The following LHFPL4 variants were observed in gnomAD, a reference collection of about 807,000 sequenced individuals.
LHFPL4 encodes LHFPL tetraspan subfamily member 4 protein.
LHFPL4 carries 6 observed loss-of-function variants against 20.0 expected under a neutral mutation model. The ratio of observed to expected loss-of-function variants is 0.30; its 90% CI spans 0.16 to 0.59. The LOEUF (loss-of-function observed/expected upper bound fraction) is 0.59, where lower values mean the gene tolerates loss of function less well. Among genes scored for constraint, LHFPL4 ranks in the 20% least tolerant of loss-of-function variants. The pLI is 0.88. For missense variants in LHFPL4, 215 were observed against 331.2 expected (o/e 0.65, Z 2.72); for synonymous variants, 129 against 143.8 (o/e 0.90, Z 0.74).
rs2046154427 is a variant in LHFPL4 at position 9,499,360 on chromosome 3, GTC to G, written c.*2849_*2850del. On this transcript the variant is annotated 3_prime_UTR_variant, in exon 4 of 4. Transcript: ENST00000287585. ...CACCTCTGCAGAACCCAGGGCCCCA[GTC>G]TATGGTTTGGTCCCCACTCTGACTT... 1 of 152,564 alleles carries G rather than the reference GTC, an allele frequency of 6.6e-6. No homozygotes were observed. The highest frequency in any genetic ancestry group is 2.1e-4 in the South Asian group (1 of 4,840). The allele number at this position is 152,564 out of a possible 1,614,324, so 9.5% of individuals were successfully genotyped here.
intron 2 of LHFPL4, among the ~76,000 whole-genome samples, chr3:9,524,087 T>G (rs2046358768): frequency 6.6e-6 from 1 of 151,134 alleles, no homozygotes; most frequent in Non-Finnish European, 1.5e-5. Context: ...AGGTAAGATG[T>G]TTGTTTTTTG....
At chr3:9,540,173 A>T (rs978334589) in intron 2 of LHFPL4, among the ~76,000 whole-genome samples, 9 of 152,202 alleles carry the variant, frequency 5.9e-5, no homozygotes, top group African/African-American at 2.2e-4. Context: ...ATTATAGCAA[A>T]ATATTGTAAA....
At chr3:9,515,597 C>G (rs560818752) in intron 2 of LHFPL4, among the ~76,000 whole-genome samples, 2 of 152,146 alleles carry the variant, frequency 1.3e-5, no homozygotes, top group East Asian at 1.9e-4. Context: ...TGGTCTCGAA[C>G]TTGACCACAG....
In LHFPL4 at chr3:9,499,970, C is replaced by T. The variant is rs2046158968; in HGVS notation, c.*2241G>A. 6.6e-6 allele frequency: 1 copy of T among 152,236 alleles called. No individual in the cohort carries two copies. Among genetic ancestry groups the T allele is most frequent in the South Asian group, 2.1e-4 (1 of 4,810 alleles). 9.4% of individuals were successfully genotyped at this position (152,236 alleles called of 1,614,324 possible). ...TTCCGCCTTTTCATCCATTTCCCCT[C>T]CCCCACCCCAAGCTCTCGGGCAGCC... On this transcript the variant is annotated 3_prime_UTR_variant, in exon 4 of 4. Transcript: ENST00000287585.
rs1553647479 is a variant in LHFPL4, at chr3:9,523,072, A to AAGAAAG, written c.407-16870_407-16869insCTTTCT. On this transcript the variant is annotated intron_variant, in intron 2 of 3. Coordinates refer to ENST00000287585, the MANE Select transcript of LHFPL4 (RefSeq NM_198560.3). ...AAAAAAAAAAAAGAAAGAAAGAAAG[A>AAGAAAG]AAAGGAAGAAAGAAAGAAAGAGAGA... Among the ~76,000 whole-genome samples the AAGAAAG allele has an allele frequency of 4.0e-3, 319 of 80,400 alleles. 3 individuals carry two copies. The highest frequency in any genetic ancestry group is 9.4e-3 in the East Asian group (26 of 2,764). 52.7% of individuals were successfully genotyped at this position (80,400 alleles called of 152,430 possible). A position where few individuals can be genotyped will look rare whatever the true frequency, so the allele number is the denominator to read the frequency against.
chr3:9,524,730 TGCCTGCCATAATTGA>T (rs1430747004), intron 2 of LHFPL4, among the ~76,000 whole-genome samples: 2 of 152,256 alleles, frequency 1.3e-5, no homozygotes, highest in Admixed American at 1.3e-4. Flanking sequence ...AATTCCAACA[TGCCTGCCATAATTGA>T]GCCGGGTTCA....
chr3:9,501,911 G>A lies in LHFPL4; in HGVS notation c.*300C>T, dbSNP rs1262740424. The A allele has an allele frequency of 2.5e-5, 9 of 360,390 alleles. No homozygotes were observed. The East Asian group carries it at 4.6e-4, about 18-fold the overall frequency. The allele number at this position is 360,390 out of a possible 1,614,324, so 22.3% of individuals were successfully genotyped here. A position where few individuals can be genotyped will look rare whatever the true frequency, so the allele number is the denominator to read the frequency against. On this transcript the variant is annotated 3_prime_UTR_variant, in exon 4 of 4. Transcript: ENST00000287585. Reference sequence around the variant, plus strand: ...CTCCGCTCTCCCTGGGGATCTGCAGGGACCTCCAGGCCAGTCTAGAGAGGA... The same window carrying A: ...CTCCGCTCTCCCTGGGGATCTGCAGAGACCTCCAGGCCAGTCTAGAGAGGA...
intron 2 of LHFPL4, among the ~76,000 whole-genome samples, chr3:9,509,453 G>A (rs1301257061): frequency 6.6e-6 from 1 of 152,006 alleles, no homozygotes; most frequent in Non-Finnish European, 1.5e-5. Context: ...CACAAATACA[G>A]TCCTGCATGC....
At chr3:9,505,347 C>A (rs1056004433) in intron 3 of LHFPL4, among the ~76,000 whole-genome samples, 3 of 152,058 alleles carry the variant, frequency 2.0e-5, no homozygotes, top group African/African-American at 4.8e-5. Context: ...CAGCTCACTG[C>A]AGCCTCAACC....
intron 2 of LHFPL4, among the ~76,000 whole-genome samples, chr3:9,538,119 G>C (rs551978557): frequency 6.6e-6 from 1 of 152,126 alleles, no homozygotes; most frequent in African/African-American, 2.4e-5. Flanking sequence ...CTTCTAAATA[G>C]GTCTCCAATC....
intron 2 of LHFPL4, among the ~76,000 whole-genome samples, chr3:9,545,899 A>C (rs552498339): frequency 3.9e-5 from 6 of 152,178 alleles, no homozygotes; most frequent in African/African-American, 1.2e-4. Flanking sequence ...ACAGAGCCAG[A>C]CTCAGTTTCA....
intron 2 of LHFPL4, among the ~76,000 whole-genome samples, chr3:9,549,800 G>C (rs922271790): frequency 1.3e-5 from 2 of 152,206 alleles, no homozygotes; most frequent in Non-Finnish European, 2.9e-5. Flanking sequence ...TTCCTCTGAG[G>C]ATGACTGATT....
intron 2 of LHFPL4, among the ~76,000 whole-genome samples, chr3:9,507,980 G>C (rs2046230322): frequency 6.6e-6 from 1 of 152,210 alleles, no homozygotes; most frequent in Non-Finnish European, 1.5e-5. Context: ...GTTCCAGAGG[G>C]CTCTGTTTGG....
intron 2 of LHFPL4, among the ~76,000 whole-genome samples, chr3:9,525,016 G>T (rs1052232478): frequency 4.6e-5 from 7 of 152,040 alleles, no homozygotes; most frequent in Admixed American, 3.3e-4. Context: ...GCCCTCCTTA[G>T]GTGGGACAGC....
At position 9,506,038 on chromosome 3, in the gene LHFPL4, G is replaced by A; in HGVS notation, c.572C>T (p.Ser191Phe). The A allele has an allele frequency of 1.2e-6, 2 of 1,614,228 alleles. No homozygotes were observed. Among genetic ancestry groups the A allele is most frequent in the Non-Finnish European group, 1.7e-6 (2 of 1,180,038 alleles). The part of the protein sequence containing the change: ...IIGILNALIL[S>F]FLAFVLGNRQ... Reference sequence around the variant, plus strand: ...GTTGCCCAGCACGAAGGCGAGGAAGGAGAGGATGAGGGCGTTGAGGATGCC... The same window carrying A: ...GTTGCCCAGCACGAAGGCGAGGAAGAAGAGGATGAGGGCGTTGAGGATGCC... Residue 191 changes from serine to phenylalanine, a missense_variant, in exon 3 of 4, where the codon TCC (serine) becomes TTC (phenylalanine). Coordinates refer to ENST00000287585, the MANE Select transcript of LHFPL4 (RefSeq NM_198560.3). This position sits in a 1 kb window ranked among gnomAD's most constrained non-coding sequence, Gnocchi z 4.5.
intron 2 of LHFPL4, among the ~76,000 whole-genome samples, chr3:9,512,785 A>G (rs1252253734): frequency 6.6e-6 from 1 of 152,198 alleles, no homozygotes; most frequent in African/African-American, 2.4e-5. Context: ...CTCTCCATTC[A>G]GCTGCCTGGA....
chr3:9,504,880 G>C (rs1201955602), intron 3 of LHFPL4, among the ~76,000 whole-genome samples: 13 of 150,438 alleles, frequency 8.6e-5, no homozygotes, highest in Admixed American at 6.6e-5. Flanking sequence ...ACATTGCTTA[G>C]TTTTGCTTAC....
chr3:9,552,785 G>T lies in LHFPL4; in HGVS notation c.-106C>A. 1 of 631,632 alleles carries T rather than the reference G, an allele frequency of 1.6e-6. No individual in the cohort carries two copies. The highest frequency in any genetic ancestry group is 2.0e-6 in the Non-Finnish European group (1 of 492,616). 39.1% of individuals were successfully genotyped at this position (631,632 alleles called of 1,614,324 possible). ...GAGCTGGGGACGCACGCGAGAAGCG[G>T]CCCTGAGTCAAGGAACCCGCGAGGG... On this transcript the variant is annotated 5_prime_UTR_variant, in exon 2 of 4. Transcript: ENST00000287585.
At chr3:9,541,491 G>C (rs919347609) in intron 2 of LHFPL4, among the ~76,000 whole-genome samples, 3 of 152,274 alleles carry the variant, frequency 2.0e-5, no homozygotes, top group Admixed American at 6.5e-5. Flanking sequence ...TGGATCAAAG[G>C]CTGGGCACCA....
Sources: allele counts gnomAD v4.1 joint callset (sites outside exome capture counted in the v4.1 genomes callset), GRCh38; gene constraint gnomAD v4.1.1; non-coding constraint Gnocchi (gnomAD v3.1); transcripts MANE v1.5; gene names NCBI Gene and HGNC (gene_info 2026-07-23, HGNC 2026-07-21).